Variants in TCF4 observed in about 807,000 individuals in gnomAD.
The protein encoded by TCF4 is transcription factor 4.
Under a neutral mutation model 82.1 loss-of-function variants are expected in TCF4, and 3 were observed. The ratio of observed to expected loss-of-function variants is 0.04; its 90% CI spans 0.02 to 0.09. The LOEUF (loss-of-function observed/expected upper bound fraction) is 0.09. TCF4 is among the 10% of genes least tolerant of loss of function. The probability of loss-of-function intolerance (pLI) is 1.00; values close to 1 mark genes in which losing one functional copy is unlikely to be tolerated. For missense variants in TCF4, 518 were observed against 852.7 expected (o/e 0.61, Z 4.89); for synonymous variants, 276 against 309.6 (o/e 0.89, Z 1.14).
chr18:55,380,360 G>A (rs2091682695), intron 6 of TCF4, among the ~76,000 whole-genome samples: 1 of 151,554 alleles, frequency 6.6e-6, no homozygotes, highest in African/African-American at 2.4e-5. Flanking sequence ...ATGGTGTTTT[G>A]CTGCACCCAT....
intron 3 of TCF4, among the ~76,000 whole-genome samples, chr18:55,576,366 T>C (rs1409813247): frequency 1.3e-5 from 2 of 152,120 alleles, no homozygotes; most frequent in African/African-American, 2.4e-5. Context: ...TAAAAACATA[T>C]ACTTTTGGAT....
chr18:55,455,179 C>CAAAAAAAAAAAAAAA (rs35889370), intron 5 of TCF4, among the ~76,000 whole-genome samples: 28 of 67,468 alleles, frequency 4.2e-4, no homozygotes, highest in South Asian at 6.7e-4. Context: ...GACTCTGTCT[C>CAAAAAAAAAAAAAAA]AAAAAAAAAA....
intron 15 of TCF4, among the ~76,000 whole-genome samples, chr18:55,243,159 A>G (rs2051881235): frequency 6.6e-6 from 1 of 152,230 alleles, no homozygotes; most frequent in Non-Finnish European, 1.5e-5. Context: ...AATATCCCAA[A>G]TTTAAGTGAA....
At chr18:55,314,667 G>A (rs573883285) in intron 8 of TCF4, among the ~76,000 whole-genome samples, 1 of 151,368 alleles carries the variant, frequency 6.6e-6, no homozygotes, top group East Asian at 1.9e-4. Context: ...CCTTCCAAAT[G>A]TCTTTCAGTA....
intron 2 of TCF4, among the ~76,000 whole-genome samples, chr18:55,619,465 G>T (rs769304536): frequency 6.6e-6 from 1 of 152,030 alleles, no homozygotes; most frequent in Non-Finnish European, 1.5e-5. Context: ...TTCTATTTCA[G>T]TATATTCAAG....
At position 55,223,699 on chromosome 18, in the gene TCF4, A is replaced by G. The variant is rs1359378665; in HGVS notation, c.*4336T>C. 1.5e-5 allele frequency: 2 copies of G among 130,850 alleles called. No homozygotes were observed. Among genetic ancestry groups the G allele is most frequent in the African/African-American group, 3.1e-5 (1 of 31,944 alleles). 8.1% of individuals were successfully genotyped at this position (130,850 alleles called of 1,614,324 possible). On this transcript the variant is annotated 3_prime_UTR_variant, in exon 20 of 20. Transcript: ENST00000354452. ...TGTTTATCTTTTTTTTTTTTTTTGAAATGTTTTCCCTTTTTTTTTTTTTAA... is the reference window on the plus strand; with the variant it reads ...TGTTTATCTTTTTTTTTTTTTTTGAGATGTTTTCCCTTTTTTTTTTTTTAA...
At chr18:55,449,379 A>G (rs1360458988) in intron 5 of TCF4, among the ~76,000 whole-genome samples, 1 of 152,224 alleles carries the variant, frequency 6.6e-6, no homozygotes, top group Non-Finnish European at 1.5e-5. Flanking sequence ...CACACCATAT[A>G]AAGTATGAAT....
intron 6 of TCF4, among the ~76,000 whole-genome samples, chr18:55,380,308 T>C (rs190717113): frequency 7.9e-5 from 12 of 152,050 alleles, no homozygotes; most frequent in Non-Finnish European, 1.0e-4. Context: ...CTGGGATACA[T>C]GTGCAGAATG....
intron 8 of TCF4, among the ~76,000 whole-genome samples, chr18:55,322,590 C>T (rs1452810170): frequency 6.6e-6 from 1 of 152,216 alleles, no homozygotes; most frequent in Non-Finnish European, 1.5e-5. Flanking sequence ...CCCCGGCCTC[C>T]CCGGAGCTGG....
chr18:55,623,465 GTA>G (rs929042067), intron 2 of TCF4, among the ~76,000 whole-genome samples: 6 of 152,078 alleles, frequency 3.9e-5, no homozygotes, highest in Admixed American at 3.3e-4. Flanking sequence ...TTTTTAAACT[GTA>G]TATATGTTTT....
chr18:55,316,237 C>T (rs2074108393), intron 8 of TCF4, among the ~76,000 whole-genome samples: 1 of 152,096 alleles, frequency 6.6e-6, no homozygotes, highest in Non-Finnish European at 1.5e-5. Flanking sequence ...TATGTCTCCA[C>T]TGTATTTTCT....
At chr18:55,340,684 A>C (rs1422054117) in intron 8 of TCF4, among the ~76,000 whole-genome samples, 2 of 151,882 alleles carry the variant, frequency 1.3e-5, no homozygotes, top group East Asian at 1.9e-4. Context: ...CCCTGGTCTT[A>C]GTTTCTATTC....
intron 2 of TCF4, among the ~76,000 whole-genome samples, chr18:55,606,102 G>T (rs1038813366): frequency 2.0e-5 from 3 of 152,212 alleles, no homozygotes; most frequent in African/African-American, 7.2e-5. Context: ...TGCTTCTGCA[G>T]TTAGGGTGCT....
intron 3 of TCF4, among the ~76,000 whole-genome samples, chr18:55,468,209 AAGTAGCAGAAC>A (rs1176927444): frequency 1.3e-5 from 2 of 152,250 alleles, no homozygotes; most frequent in Non-Finnish European, 2.9e-5. Flanking sequence ...TGCAAAATAA[AAGTAGCAGAAC>A]AGTAAGGCCA....
At chr18:55,267,864 C>T (rs983095894) in intron 11 of TCF4, 2 of 152,098 alleles carry the variant, frequency 1.3e-5, no homozygotes, top group Non-Finnish European at 2.9e-5. Flanking sequence ...ATTGTCAAGA[C>T]CCTTAAATAA....
chr18:55,353,113 T>C (rs1028016528), intron 6 of TCF4, among the ~76,000 whole-genome samples: 1 of 152,204 alleles, frequency 6.6e-6, no homozygotes, highest in Non-Finnish European at 1.5e-5. Flanking sequence ...ATTGGTTAAT[T>C]CCTCTTGGTC....
At position 55,372,225 on chromosome 18, in the gene TCF4, C is replaced by T. The variant is rs186921673; in HGVS notation, c.370-21222G>A. The stretch of plus-strand genomic sequence containing the variant: ...GCCAGAAAATAAGGAAGAGTAGCTT[C>T]GGTGGAATAACAATTTTGAATTATT... On this transcript the variant is annotated intron_variant, in intron 6 of 19. Coordinates refer to ENST00000354452, the MANE Select transcript of TCF4 (RefSeq NM_001083962.2). 6.6e-5 allele frequency among the ~76,000 whole-genome samples: 10 copies of T among 152,096 alleles called. No homozygotes were observed. The East Asian group carries it at 1.5e-3, about 24-fold the overall frequency.
At chr18:55,529,699 C>T (rs577821078) in intron 3 of TCF4, among the ~76,000 whole-genome samples, 1 of 152,238 alleles carries the variant, frequency 6.6e-6, no homozygotes, top group South Asian at 2.1e-4. Flanking sequence ...GAAGGAAAAA[C>T]ACTGGCAACT....
intron 3 of TCF4, among the ~76,000 whole-genome samples, chr18:55,556,227 AT>A (rs1441537047): frequency 1.3e-5 from 2 of 151,734 alleles, no homozygotes; most frequent in African/African-American, 4.8e-5. Context: ...CCAGAATAGC[AT>A]TTTTTTCCAC....
Sources: allele counts gnomAD v4.1 joint callset (sites outside exome capture counted in the v4.1 genomes callset), GRCh38; gene constraint gnomAD v4.1.1; transcripts MANE v1.5; gene names NCBI Gene and HGNC (gene_info 2026-07-23, HGNC 2026-07-21).